ISCA1: variants seen among roughly 807,000 people sequenced by gnomAD.
ISCA1 encodes iron-sulfur cluster assembly 1 homolog, mitochondrial.
ISCA1 carries 9 observed loss-of-function variants against 14.7 expected under a neutral mutation model. That is an observed-to-expected ratio of 0.61 (90% CI 0.37 to 1.07). ISCA1 has a LOEUF of 1.07. Ranked by LOEUF, ISCA1 falls within the 50% of genes least tolerant of loss-of-function variation. The pLI is 0.01. For missense variants in ISCA1, 102 were observed against 150.1 expected, an observed-to-expected ratio of 0.68 and a Z score of 1.67; for synonymous variants, 38 against 54.3, an observed-to-expected ratio of 0.70 and a Z score of 1.32.
intron 3 of ISCA1, among the ~76,000 whole-genome samples, chr9:86,271,583 A>C (rs1825369307): frequency 6.6e-6 from 1 of 152,202 alleles, no homozygotes; most frequent in African/African-American, 2.4e-5. Flanking sequence ...TATTTGACAC[A>C]GATATAAAAC....
chr9:86,271,883 T>C (rs1825374069), intron 3 of ISCA1, 124 bp downstream of exon 3: 1 of 630,986 alleles, frequency 1.6e-6, no homozygotes. Context: ...AAACAACACC[T>C]ACACACACAG....
chr9:86,267,699 G>C (rs1313199773), intron 3 of ISCA1: 6 of 523,550 alleles, frequency 1.1e-5, no homozygotes, highest in Non-Finnish European at 1.5e-5. Flanking sequence ...CAGGCATGGT[G>C]GTGGGCGCCT....
chr9:86,268,638 GT>G (rs1825323432), intron 3 of ISCA1, among the ~76,000 whole-genome samples: 2 of 152,064 alleles, frequency 1.3e-5, no homozygotes, highest in Non-Finnish European at 2.9e-5. Context: ...AGTCCTGCAA[GT>G]TCCATGCATG....
At chr9:86,277,609 T>C (rs1825454017) in intron 1 of ISCA1, among the ~76,000 whole-genome samples, 1 of 152,210 alleles carries the variant, frequency 6.6e-6, no homozygotes, top group Non-Finnish European at 1.5e-5. Flanking sequence ...AGAAACAGCA[T>C]AAAATCTTCA....
intron 1 of ISCA1, among the ~76,000 whole-genome samples, chr9:86,276,877 A>AAG (rs1228518912): frequency 6.7e-6 from 1 of 148,968 alleles, no homozygotes; most frequent in Non-Finnish European, 1.5e-5. Flanking sequence ...TCTCAAAAAA[A>AAG]AAAAAAAAAA....
chr9:86,274,044 T>C (rs1459549490), intron 2 of ISCA1, 145 bp downstream of exon 2: 3 of 570,050 alleles, frequency 5.3e-6, no homozygotes, highest in African/African-American at 3.8e-5. Flanking sequence ...CCCTTTTGTA[T>C]TATTTGAATT....
intron 3 of ISCA1, among the ~76,000 whole-genome samples, chr9:86,271,219 T>G (rs895032302): frequency 6.6e-6 from 1 of 152,162 alleles, no homozygotes; most frequent in Non-Finnish European, 1.5e-5. Context: ...TACAGGTTTG[T>G]AGCCTAGGAG....
chr9:86,268,568 T>C (rs1171855048), intron 3 of ISCA1, among the ~76,000 whole-genome samples: 1 of 152,172 alleles, frequency 6.6e-6, no homozygotes, highest in African/African-American at 2.4e-5. Context: ...AGGAACGTCC[T>C]AGGCTTTCAC....
intron 1 of ISCA1, among the ~76,000 whole-genome samples, chr9:86,275,850 T>C (rs1825434442): frequency 6.6e-6 from 1 of 152,130 alleles, no homozygotes; most frequent in Non-Finnish European, 1.5e-5. Context: ...TTGTTTTTGT[T>C]TTTTGAGTCA....
At chr9:86,270,323 C>G (rs1284646788) in intron 3 of ISCA1, among the ~76,000 whole-genome samples, 1 of 151,466 alleles carries the variant, frequency 6.6e-6, no homozygotes, top group Non-Finnish European at 1.5e-5. Flanking sequence ...ATTTATGCAG[C>G]CAAAAGACAC....
intron 1 of ISCA1, among the ~76,000 whole-genome samples, chr9:86,276,634 G>A (rs1042022525): frequency 1.3e-5 from 2 of 152,090 alleles, no homozygotes; most frequent in African/African-American, 4.8e-5. Flanking sequence ...CTTGAGGTCA[G>A]CCAAGGTGGA....
intron 1 of ISCA1, among the ~76,000 whole-genome samples, chr9:86,281,770 GC>G (rs1466727987): frequency 6.6e-6 from 1 of 152,252 alleles, no homozygotes; most frequent in Non-Finnish European, 1.5e-5. Flanking sequence ...TGTCCTAAGA[GC>G]CTAGGCTTGC....
At chr9:86,275,221 T>C (rs2131224904) in intron 1 of ISCA1, among the ~76,000 whole-genome samples, 1 of 152,368 alleles carries the variant, frequency 6.6e-6, no homozygotes, top group Non-Finnish European at 1.5e-5. Context: ...ATTATGATTA[T>C]GAGAGTACAT....
At chr9:86,270,279 A>G (rs1333829285) in intron 3 of ISCA1, among the ~76,000 whole-genome samples, 7 of 150,340 alleles carry the variant, frequency 4.7e-5, no homozygotes, top group South Asian at 2.1e-4. Context: ...AAAAGTGGGC[A>G]AAGGACATGA....
At chr9:86,267,586 T>A in intron 3 of ISCA1, 3 of 868,852 alleles carry the variant, frequency 3.5e-6, no homozygotes, top group Non-Finnish European at 4.1e-6. Flanking sequence ...ATTTTAATTA[T>A]AAATTAAATT....
chr9:86,274,496 T>A (rs1825417790), intron 1 of ISCA1, among the ~76,000 whole-genome samples: 2 of 152,174 alleles, frequency 1.3e-5, no homozygotes, highest in South Asian at 4.1e-4. Flanking sequence ...TCCCTGTCCT[T>A]CTCTCTATGG....
At chr9:86,268,780 C>T (rs1479486507) in intron 3 of ISCA1, among the ~76,000 whole-genome samples, 2 of 151,762 alleles carry the variant, frequency 1.3e-5, no homozygotes, top group African/African-American at 4.8e-5. Flanking sequence ...CAGGTAAGAA[C>T]ACAGTGCACT....
At chr9:86,268,186 CAGA>C (rs1825313689) in intron 3 of ISCA1, among the ~76,000 whole-genome samples, 1 of 151,924 alleles carries the variant, frequency 6.6e-6, no homozygotes, top group African/African-American at 2.4e-5. Flanking sequence ...ATCATTATCA[CAGA>C]AGATGACAAC....
chr9:86,280,220 T>C (rs1197270364), intron 1 of ISCA1, among the ~76,000 whole-genome samples: 1 of 152,124 alleles, frequency 6.6e-6, no homozygotes, highest in African/African-American at 2.4e-5. Flanking sequence ...TTCATTTGTC[T>C]TGAAACACAG....
Sources: gnomAD v4.1 joint callset for allele counts (sites outside exome capture counted in the v4.1 genomes callset) on GRCh38, gnomAD v4.1.1 for gene constraint, MANE v1.5 for transcripts, NCBI Gene and HGNC (gene_info 2026-07-23, HGNC 2026-07-21) for gene names.